The following ZBTB20 variants were observed in gnomAD, a reference collection of about 807,000 sequenced individuals.
ZBTB20 encodes the protein zinc finger and BTB domain containing 20.
ZBTB20 carries 9 observed loss-of-function variants against 56.9 expected under a neutral mutation model. The ratio of observed to expected loss-of-function variants is 0.16; its 90% confidence interval spans 0.10 to 0.28. The LOEUF (loss-of-function observed/expected upper bound fraction) is 0.28, where lower values mean the gene tolerates loss of function less well. Ranked by LOEUF, ZBTB20 falls within the 10% of genes least tolerant of loss-of-function variation. The pLI, the probability that ZBTB20 is intolerant of heterozygous loss-of-function variation, is 1.00. For synonymous variants in ZBTB20, 417 were observed against 420.7 expected (o/e 0.99, Z 0.11); for missense variants, 655 against 1,003.0 (o/e 0.65, Z 4.69).
chr3:115,108,337 A>T (rs140743010), intron 1 of ZBTB20, among the ~76,000 whole-genome samples: 4 of 152,184 alleles, frequency 2.6e-5, no homozygotes, highest in Admixed American at 6.5e-5. Flanking sequence ...TGAGGAAAAC[A>T]TCTTGATAAG....
intron 4 of ZBTB20, among the ~76,000 whole-genome samples, chr3:114,826,484 T>C (rs2073535668): frequency 6.6e-6 from 1 of 151,790 alleles, no homozygotes; most frequent in South Asian, 2.1e-4. Flanking sequence ...ATATGCTTTA[T>C]TAGCATTCAT....
chr3:114,957,377 A>G (rs2077283420), intron 3 of ZBTB20, among the ~76,000 whole-genome samples: 1 of 152,206 alleles, frequency 6.6e-6, no homozygotes, highest in Non-Finnish European at 1.5e-5. Flanking sequence ...AGAGGATAGA[A>G]TGGAAAATGC....
At chr3:114,932,641 G>C (rs1465025989) in intron 3 of ZBTB20, among the ~76,000 whole-genome samples, 1 of 152,160 alleles carries the variant, frequency 6.6e-6, no homozygotes, top group Non-Finnish European at 1.5e-5. Context: ...TTACCAAGCT[G>C]TCTTAGTACA....
At chr3:114,650,996 G>A (rs1373335597) in intron 6 of ZBTB20, among the ~76,000 whole-genome samples, 1 of 151,980 alleles carries the variant, frequency 6.6e-6, no homozygotes, top group Non-Finnish European at 1.5e-5. Flanking sequence ...TGAGAGATGA[G>A]TCAGCTCGTT....
In ZBTB20 at chr3:114,767,062, T is replaced by C. The variant is rs1473009586; in HGVS notation, c.-343+34039A>G. ...GAAGTTGGAGATGGTCTTGTCTACA[T>C]ATCTAAAGTAACTGAATTATATCAG... On this transcript the variant is annotated intron_variant, in intron 5 of 11. Coordinates refer to ENST00000675478, the MANE Select transcript of ZBTB20 (RefSeq NM_001348800.3). Among the ~76,000 whole-genome samples the C allele has an allele frequency of 2.0e-5, 3 of 152,106 alleles. No individual in the cohort carries two copies. The East Asian group carries it at 5.8e-4, about 29-fold the overall frequency.
chr3:115,056,108 A>T (rs1485475034), intron 2 of ZBTB20, among the ~76,000 whole-genome samples: 1 of 152,162 alleles, frequency 6.6e-6, no homozygotes, highest in Non-Finnish European at 1.5e-5. Flanking sequence ...AAATAATGAG[A>T]GATACATATA....
At chr3:114,827,503 G>C (rs1579048222) in intron 4 of ZBTB20, among the ~76,000 whole-genome samples, 1 of 151,848 alleles carries the variant, frequency 6.6e-6, no homozygotes, top group East Asian at 1.9e-4. Context: ...AAAATCATGA[G>C]AACAATGAAA....
intron 5 of ZBTB20, among the ~76,000 whole-genome samples, chr3:114,789,962 T>C (rs1217895928): frequency 6.6e-6 from 1 of 152,040 alleles, no homozygotes; most frequent in Non-Finnish European, 1.5e-5. Context: ...TAAGTAAACA[T>C]TTATCTTATA....
intron 7 of ZBTB20, among the ~76,000 whole-genome samples, chr3:114,449,288 T>C (rs922995059): frequency 1.3e-5 from 2 of 152,140 alleles, no homozygotes; most frequent in Non-Finnish European, 2.9e-5. Flanking sequence ...AGGATAACTA[T>C]GAGAAATTTC....
chr3:114,896,247 G>A (rs1157510903), intron 4 of ZBTB20, among the ~76,000 whole-genome samples: 1 of 152,046 alleles, frequency 6.6e-6, no homozygotes, highest in Non-Finnish European at 1.5e-5. Flanking sequence ...CCACTTCTGG[G>A]TATATACTCA....
chr3:114,457,642 T>C (rs1200740402), intron 7 of ZBTB20, among the ~76,000 whole-genome samples: 2 of 152,182 alleles, frequency 1.3e-5, no homozygotes, highest in African/African-American at 4.8e-5. Context: ...ATATTACTAA[T>C]TGGCTTGCCC....
chr3:114,723,298 T>A (rs916935441), intron 5 of ZBTB20, among the ~76,000 whole-genome samples: 1 of 152,212 alleles, frequency 6.6e-6, no homozygotes, highest in African/African-American at 2.4e-5. Context: ...TTTCCATAAT[T>A]CCACTTAACA....
At chr3:115,032,368 G>A (rs1445338415) in intron 2 of ZBTB20, among the ~76,000 whole-genome samples, 2 of 151,314 alleles carry the variant, frequency 1.3e-5, no homozygotes, top group African/African-American at 4.8e-5. Flanking sequence ...TGTGGCTGCA[G>A]GAGACACAAG....
chr3:115,011,699 T>TA (rs1168973042), intron 2 of ZBTB20, among the ~76,000 whole-genome samples: 2 of 151,518 alleles, frequency 1.3e-5, no homozygotes, highest in African/African-American at 2.4e-5. Context: ...TAATGAGCAA[T>TA]AAAAAAATCA....
At chr3:114,449,612 GGCAAACTATGACTACTTATTAA>G (rs1472100535) in intron 7 of ZBTB20, among the ~76,000 whole-genome samples, 93 of 151,554 alleles carry the variant, frequency 6.1e-4, no homozygotes, top group African/African-American at 2.0e-3. Context: ...TATCTCCAGA[GGCAAACTATGACTACTTATTAA>G]GCAAGAGGAG....
intron 6 of ZBTB20, among the ~76,000 whole-genome samples, chr3:114,573,500 G>A: frequency 8.7e-6 from 1 of 115,090 alleles, no homozygotes; most frequent in South Asian, 2.8e-4. Flanking sequence ...AAAGAAAGAT[G>A]AAAGAAAGAA....
chr3:114,743,970 G>A (rs1032829645), intron 5 of ZBTB20, among the ~76,000 whole-genome samples: 3 of 141,780 alleles, frequency 2.1e-5, no homozygotes, highest in African/African-American at 7.9e-5. Flanking sequence ...CAGAGGTTAT[G>A]CAATTAGCTT....
intron 6 of ZBTB20, among the ~76,000 whole-genome samples, chr3:114,556,263 C>T (rs1033276577): frequency 6.6e-6 from 1 of 152,046 alleles, no homozygotes; most frequent in Non-Finnish European, 1.5e-5. Context: ...TCCATTTCCT[C>T]ATTGACGATT....
At position 114,508,548 on chromosome 3, in the gene ZBTB20, A is replaced by G. The variant is rs73241550; in HGVS notation, c.-294-8157T>C. Among the ~76,000 whole-genome samples, 1,071 of 152,282 alleles carry G rather than the reference A, an allele frequency of 7.0e-3. 9 individuals are homozygous for G. The highest frequency in any genetic ancestry group is 0.027 in the South Asian group (132 of 4,826). On this transcript the variant is annotated intron_variant, in intron 6 of 11. Transcript: ENST00000675478. ...GCGAAGGCATCAGGAAGGTAAAAAT[A>G]CACATACATAAGAAACTGGCAGTAG...
Sources: gnomAD v4.1 joint callset for allele counts (sites outside exome capture counted in the v4.1 genomes callset) on GRCh38, gnomAD v4.1.1 for gene constraint, MANE v1.5 for transcripts, NCBI Gene and HGNC (gene_info 2026-07-23, HGNC 2026-07-21) for gene names.